The following ADAMTSL1 variants were observed in gnomAD, a reference collection of about 807,000 sequenced individuals.
ADAMTSL1 encodes ADAMTS like 1, also known as ADAMTS-like protein 1.
Under a neutral mutation model 201.8 loss-of-function variants are expected in ADAMTSL1, and 126 were observed. The ratio of observed to expected loss-of-function variants is 0.62; its 90% CI spans 0.54 to 0.72. ADAMTSL1 has a LOEUF of 0.72. ADAMTSL1 is among the 30% of genes least tolerant of loss of function. The pLI, the probability that ADAMTSL1 is intolerant of heterozygous loss-of-function variation, is 0.00. For missense variants in ADAMTSL1, 2,679 were observed against 2,277.8 expected (o/e 1.18, Z -3.59); for synonymous variants, 1,121 against 903.4 (o/e 1.24, Z -4.32).
At chr9:18,074,763 G>A (rs1329016526) in intron 1 of ADAMTSL1, among the ~76,000 whole-genome samples, 1 of 151,720 alleles carries the variant, frequency 6.6e-6, no homozygotes, top group East Asian at 1.9e-4. Context: ...ACTAATTTTT[G>A]TATTTTTAGT....
At chr9:18,294,728 A>G (rs1158752723) in intron 2 of ADAMTSL1, among the ~76,000 whole-genome samples, 1 of 152,088 alleles carries the variant, frequency 6.6e-6, no homozygotes, top group Non-Finnish European at 1.5e-5. Flanking sequence ...TCATACCCCC[A>G]AGTTCTTCAT....
At chr9:18,726,409 G>A (rs1246683513) in intron 15 of ADAMTSL1, among the ~76,000 whole-genome samples, 1 of 151,916 alleles carries the variant, frequency 6.6e-6, no homozygotes, top group Admixed American at 6.6e-5. Flanking sequence ...TACTTGGGAG[G>A]CTAGAGTGGG....
intron 2 of ADAMTSL1, among the ~76,000 whole-genome samples, chr9:18,171,773 G>T (rs989741653): frequency 6.6e-6 from 1 of 152,030 alleles, no homozygotes; most frequent in Non-Finnish European, 1.5e-5. Context: ...GTCCTGAATG[G>T]TATTACCTAG....
intron 2 of ADAMTSL1, among the ~76,000 whole-genome samples, chr9:18,190,498 A>G (rs1828927670): frequency 2.0e-5 from 3 of 152,124 alleles, no homozygotes; most frequent in Non-Finnish European, 4.4e-5. Context: ...TGTTAATCAG[A>G]GTGCCTATTT....
At chr9:18,587,259 A>C in intron 4 of ADAMTSL1, among the ~76,000 whole-genome samples, 1 of 152,170 alleles carries the variant, frequency 6.6e-6, no homozygotes, top group Admixed American at 6.6e-5. Context: ...TATAAAACAA[A>C]CCACCCCAAG....
chr9:18,229,888 G>A (rs1345339755), intron 2 of ADAMTSL1, among the ~76,000 whole-genome samples: 1 of 151,966 alleles, frequency 6.6e-6, no homozygotes, highest in African/African-American at 2.4e-5. Flanking sequence ...GTAGAGATGG[G>A]CTTTCACCAG....
Position 18,512,698 on chromosome 9 carries a change from A to C in ADAMTSL1, c.191+7742A>C, listed in dbSNP as rs552824858. Among the ~76,000 whole-genome samples the C allele has an allele frequency of 5.2e-4, 79 of 152,300 alleles. 3 individuals carry two copies. The South Asian group carries it at 9.5e-3, about 18-fold the overall frequency. The stretch of plus-strand genomic sequence containing the variant: ...CTAAGAGAAGTTCCCCCAGTTCTAT[A>C]AATAATACATCTGTGGAACTGGGTT... On this transcript the variant is annotated intron_variant, in intron 2 of 28. Coordinates refer to ENST00000380548, the MANE Select transcript of ADAMTSL1 (RefSeq NM_001040272.6).
chr9:18,779,742 G>A (rs569539395), intron 19 of ADAMTSL1, among the ~76,000 whole-genome samples: 1 of 152,314 alleles, frequency 6.6e-6, no homozygotes, highest in African/African-American at 2.4e-5. Flanking sequence ...CTGAGTGGCA[G>A]CTCCAGTGTG....
Position 18,741,251 on chromosome 9 carries a change from C to A in ADAMTSL1, c.2007-12047C>A, listed in dbSNP as rs1051539365. Among the ~76,000 whole-genome samples the A allele has an allele frequency of 4.6e-5, 7 of 152,020 alleles. No individual in the cohort carries two copies. The East Asian group carries it at 1.2e-3, about 25-fold the overall frequency. Reference sequence around the variant, plus strand: ...TATGTCCCAATCATTCAGCATAATTCTCAGTACATACTAGATTTTCAGCAA... The same window carrying A: ...TATGTCCCAATCATTCAGCATAATTATCAGTACATACTAGATTTTCAGCAA... On this transcript the variant is annotated intron_variant, in intron 15 of 28. Transcript: ENST00000380548.
chr9:17,942,072 G>T (rs947528948), intron 1 of ADAMTSL1, among the ~76,000 whole-genome samples: 1 of 152,072 alleles, frequency 6.6e-6, no homozygotes, highest in Admixed American at 6.6e-5. Context: ...AATATTATAT[G>T]ATTCCATTCA....
intron 15 of ADAMTSL1, among the ~76,000 whole-genome samples, chr9:18,727,862 C>T (rs1817982593): frequency 6.6e-6 from 1 of 152,026 alleles, no homozygotes; most frequent in African/African-American, 2.4e-5. Flanking sequence ...GGTGGATCAT[C>T]TGAGATCAGG....
intron 23 of ADAMTSL1, among the ~76,000 whole-genome samples, chr9:18,886,205 T>C (rs1358632967): frequency 4.1e-4 from 51 of 123,158 alleles, no homozygotes; most frequent in African/African-American, 1.7e-3. Context: ...TATATATATA[T>C]ATATATACAC....
chr9:18,535,240 G>A (rs549162714), intron 3 of ADAMTSL1, among the ~76,000 whole-genome samples: 24 of 152,306 alleles, frequency 1.6e-4, no homozygotes, highest in African/African-American at 5.3e-4. Context: ...GGGGCAAAAT[G>A]CCACCAGCCT....
At chr9:18,722,199 C>T (rs1284494620) in intron 15 of ADAMTSL1, among the ~76,000 whole-genome samples, 1 of 152,160 alleles carries the variant, frequency 6.6e-6, no homozygotes, top group Non-Finnish European at 1.5e-5. Flanking sequence ...TTCAGCCCTG[C>T]CTGGGTCTCA....
At chr9:18,568,650 T>A (rs1822092459) in intron 3 of ADAMTSL1, among the ~76,000 whole-genome samples, 1 of 151,814 alleles carries the variant, frequency 6.6e-6, no homozygotes, top group African/African-American at 2.4e-5. Context: ...GGAGAGTGAG[T>A]GATTAGGACA....
At position 18,792,941 on chromosome 9, in the gene ADAMTSL1, G is replaced by C. The variant is rs1202070075; in HGVS notation, c.3678-2456G>C. The stretch of plus-strand genomic sequence containing the variant: ...AGAAAAAAGCAACTAATGTTTGATG[G>C]ATGAGTGAATGAATGGTTGGATGAG... On this transcript the variant is annotated intron_variant, in intron 19 of 28. Coordinates refer to ENST00000380548, the MANE Select transcript of ADAMTSL1 (RefSeq NM_001040272.6). 1.4e-4 allele frequency among the ~76,000 whole-genome samples: 21 copies of C among 152,300 alleles called. 1 individual carries two copies. The highest frequency in any genetic ancestry group is 4.4e-5 in the Non-Finnish European group (3 of 68,026).
intron 1 of ADAMTSL1, among the ~76,000 whole-genome samples, chr9:17,999,373 C>T (rs550523978): frequency 1.4e-4 from 22 of 152,000 alleles, no homozygotes; most frequent in African/African-American, 5.3e-4. Context: ...TGCTGTGATG[C>T]TTCTCCCAGA....
intron 4 of ADAMTSL1, among the ~76,000 whole-genome samples, chr9:18,604,054 T>C (rs951435741): frequency 6.6e-6 from 1 of 152,246 alleles, no homozygotes; most frequent in Admixed American, 6.5e-5. Flanking sequence ...TCCTTACTGC[T>C]GTGTCCTGCA....
chr9:18,477,551 G>T (rs1344704267), intron 1 of ADAMTSL1, among the ~76,000 whole-genome samples: 2 of 152,122 alleles, frequency 1.3e-5, no homozygotes, highest in East Asian at 3.9e-4. Context: ...GGAGACCGCG[G>T]CCTGTTCCAG....
Sources: allele counts gnomAD v4.1 joint callset (sites outside exome capture counted in the v4.1 genomes callset), GRCh38; gene constraint gnomAD v4.1.1; transcripts MANE v1.5; gene names NCBI Gene and HGNC (gene_info 2026-07-23, HGNC 2026-07-21).